THSD7A: variants seen among roughly 807,000 people sequenced by gnomAD.
THSD7A encodes the protein thrombospondin type 1 domain containing 7A, also known as thrombospondin type-1 domain-containing protein 7A.
A neutral mutation model predicts 231.3 loss-of-function variants in THSD7A; 96 were observed. That is an observed-to-expected ratio of 0.41 (90% confidence interval 0.35 to 0.49). The LOEUF (loss-of-function observed/expected upper bound fraction) is 0.49, where lower values mean the gene tolerates loss of function less well. Among genes scored for constraint, THSD7A ranks in the 20% least tolerant of loss-of-function variants. The probability of loss-of-function intolerance (pLI) is 0.05; values close to 1 mark genes in which losing one functional copy is unlikely to be tolerated. For synonymous variants in THSD7A, 940 were observed against 743.3 expected (o/e 1.26, Z -4.30); for missense variants, 2,290 against 2,070.2 (o/e 1.11, Z -2.06).
intron 1 of THSD7A, among the ~76,000 whole-genome samples, chr7:11,678,047 A>C (rs1235826001): frequency 6.6e-6 from 1 of 152,234 alleles, no homozygotes; most frequent in African/African-American, 2.4e-5. Flanking sequence ...AACTCACTCA[A>C]AAACGCAAAA....
At chr7:11,517,091 A>G (rs1788061785) in intron 6 of THSD7A, among the ~76,000 whole-genome samples, 1 of 152,130 alleles carries the variant, frequency 6.6e-6, no homozygotes, top group African/African-American at 2.4e-5. Flanking sequence ...ATTTTATTTT[A>G]TTTTAGAGAT....
At chr7:11,726,437 G>A (rs568426723) in intron 1 of THSD7A, among the ~76,000 whole-genome samples, 30 of 152,102 alleles carry the variant, frequency 2.0e-4, no homozygotes, top group Non-Finnish European at 3.2e-4. Context: ...GCTAACATGA[G>A]CACCATCAAA....
At chr7:11,760,382 A>G (rs1273924374) in intron 1 of THSD7A, among the ~76,000 whole-genome samples, 1 of 152,140 alleles carries the variant, frequency 6.6e-6, no homozygotes, top group Non-Finnish European at 1.5e-5. Context: ...CAAAAAAAAG[A>G]AATAGGATGT....
chr7:11,769,362 A>G (rs1399474319), intron 1 of THSD7A, among the ~76,000 whole-genome samples: 4 of 151,182 alleles, frequency 2.6e-5, no homozygotes, highest in Non-Finnish European at 5.9e-5. Flanking sequence ...TTGCAAAGAT[A>G]TTTGTAACCA....
intron 9 of THSD7A, among the ~76,000 whole-genome samples, chr7:11,464,489 A>G (rs1321665868): frequency 2.0e-5 from 3 of 152,164 alleles, no homozygotes; most frequent in Non-Finnish European, 2.9e-5. Flanking sequence ...TTGAGGAAGC[A>G]GCTACCAAAC....
chr7:11,792,020 A>G (rs1783966849), intron 1 of THSD7A, among the ~76,000 whole-genome samples: 1 of 151,940 alleles, frequency 6.6e-6, no homozygotes, highest in South Asian at 2.1e-4. Flanking sequence ...ACTGTGAACT[A>G]TGATTTTCTA....
intron 1 of THSD7A, among the ~76,000 whole-genome samples, chr7:11,687,617 C>T (rs1780098964): frequency 6.6e-6 from 1 of 151,850 alleles, no homozygotes; most frequent in African/African-American, 2.4e-5. Context: ...CTTGAAAGCA[C>T]TCTTTTCATT....
chr7:11,502,449 G>C (rs1787375652), intron 6 of THSD7A, among the ~76,000 whole-genome samples: 1 of 152,086 alleles, frequency 6.6e-6, no homozygotes, highest in Non-Finnish European at 1.5e-5. Flanking sequence ...TATCAAGTAG[G>C]CTTCATCCCC....
chr7:11,823,728 T>G (rs1189822114), intron 1 of THSD7A, among the ~76,000 whole-genome samples: 2 of 152,080 alleles, frequency 1.3e-5, no homozygotes, highest in African/African-American at 4.8e-5. Flanking sequence ...TAAATTGGAT[T>G]ATTTTCTTGA....
chr7:11,544,401 T>C (rs568183559), intron 4 of THSD7A, among the ~76,000 whole-genome samples: 1 of 152,288 alleles, frequency 6.6e-6, no homozygotes, highest in South Asian at 2.1e-4. Flanking sequence ...TTCCAGTTCC[T>C]TTATCACTCT....
intron 1 of THSD7A, among the ~76,000 whole-genome samples, chr7:11,651,507 CTATCTAT>C (rs1782506562): frequency 2.0e-5 from 3 of 151,660 alleles, no homozygotes; most frequent in Non-Finnish European, 4.4e-5. Context: ...ATCTATCTAT[CTATCTAT>C]CTATCTATCT....
At chr7:11,593,621 GT>G (rs1367096218) in intron 2 of THSD7A, 119 bp from the exon 3 acceptor site, 8 of 1,251,940 alleles carry the variant, frequency 6.4e-6, no homozygotes, top group African/African-American at 3.0e-5. Flanking sequence ...TGTGATTCCA[GT>G]TTCATCGAAA....
chr7:11,435,275 G>C (rs796298056), intron 13 of THSD7A, among the ~76,000 whole-genome samples: 21 of 152,174 alleles, frequency 1.4e-4, no homozygotes, highest in African/African-American at 4.8e-4. Flanking sequence ...CCTGGCCCTT[G>C]GCCAGGTAGG....
chr7:11,386,620 A>T (rs1365268931), intron 23 of THSD7A, among the ~76,000 whole-genome samples: 1 of 152,222 alleles, frequency 6.6e-6, no homozygotes, highest in Non-Finnish European at 1.5e-5. Flanking sequence ...GCCCTTTGTC[A>T]GATGGATAGA....
intron 2 of THSD7A, among the ~76,000 whole-genome samples, chr7:11,625,588 G>A (rs1781449815): frequency 6.6e-6 from 1 of 151,844 alleles, no homozygotes; most frequent in South Asian, 2.1e-4. Context: ...AAAGAACATA[G>A]CAAGGTGAAA....
At chr7:11,432,135 C>T (rs907601366) in intron 13 of THSD7A, among the ~76,000 whole-genome samples, 2 of 152,040 alleles carry the variant, frequency 1.3e-5, no homozygotes, top group Admixed American at 1.3e-4. Context: ...AAAACATAAG[C>T]TTCTACCACC....
chr7:11,809,571 T>C lies in THSD7A; in HGVS notation c.190+22186A>G, dbSNP rs571244287. Among the ~76,000 whole-genome samples the C allele has an allele frequency of 5.3e-5, 8 of 152,322 alleles. No homozygotes were observed. In the East Asian group the frequency reaches 1.5e-3, roughly 29 times the overall value. On this transcript the variant is annotated intron_variant, in intron 1 of 27. Transcript: ENST00000423059. Reference sequence around the variant, plus strand: ...TTATGGTCACAGGCTTTGGAATGTATGAAATTTTATTTTTTTTGTGAAGAG... The same window carrying C: ...TTATGGTCACAGGCTTTGGAATGTACGAAATTTTATTTTTTTTGTGAAGAG...
chr7:11,787,840 A>G (rs193207145), intron 1 of THSD7A, among the ~76,000 whole-genome samples: 2 of 152,146 alleles, frequency 1.3e-5, no homozygotes, highest in Non-Finnish European at 2.9e-5. Flanking sequence ...AGATAGATGG[A>G]CACTTTCTTA....
intron 2 of THSD7A, among the ~76,000 whole-genome samples, chr7:11,624,478 G>A (rs1781416993): frequency 6.6e-6 from 1 of 152,004 alleles, no homozygotes; most frequent in South Asian, 2.1e-4. Flanking sequence ...CTGCTCATTC[G>A]ACTTCTCAGA....
Sources: allele counts gnomAD v4.1 joint callset (sites outside exome capture counted in the v4.1 genomes callset), GRCh38; gene constraint gnomAD v4.1.1; transcripts MANE v1.5; gene names NCBI Gene and HGNC (gene_info 2026-07-23, HGNC 2026-07-21).